The following PPP1R2 variants were observed in gnomAD, a reference collection of about 807,000 sequenced individuals.
The protein encoded by PPP1R2 is protein phosphatase 1 regulatory inhibitor subunit 2, also known as protein phosphatase inhibitor 2.
Under a neutral mutation model 29.9 loss-of-function variants are expected in PPP1R2, and 16 were observed. The observed-to-expected ratio is 0.53, with a 90% CI of 0.36 to 0.81. PPP1R2 has a LOEUF of 0.81. Ranked by LOEUF, PPP1R2 falls within the 30% of genes least tolerant of loss-of-function variation. The pLI is 0.00. For missense variants in PPP1R2, 197 were observed against 252.7 expected, an observed-to-expected ratio of 0.78 and a Z score of 1.49; for synonymous variants, 76 against 91.5, an observed-to-expected ratio of 0.83 and a Z score of 0.96.
At chr3:195,532,514 C>T (rs1461917398) in intron 1 of PPP1R2, among the ~76,000 whole-genome samples, 1 of 152,066 alleles carries the variant, frequency 6.6e-6, no homozygotes, top group East Asian at 1.9e-4. Flanking sequence ...TAGGCTTCTG[C>T]CTGTCACATA....
chr3:195,518,974 T>C (rs17847363), intron 5 of PPP1R2, 44 bp downstream of exon 5: 1,260,264 of 1,604,554 alleles, frequency 0.79, 497,478 homozygotes, highest in East Asian at 0.99. Context: ...ATCTTAGGCA[T>C]AGACCATTAC....
Position 195,516,838 on chromosome 3 carries a change from G to A in PPP1R2, c.*58C>T, listed in dbSNP as rs527367382. 22 of 1,454,904 alleles carry A rather than the reference G, an allele frequency of 1.5e-5. No individual in the cohort carries two copies. Among genetic ancestry groups the A allele is most frequent in the South Asian group, 1.3e-4 (11 of 87,366 alleles). 90.1% of individuals were successfully genotyped at this position (1,454,904 alleles called of 1,614,324 possible). ...TGAATTGTGAAGAACAAGAAGCAAC[G>A]TACTATAGTCACAGGGTTTACATCT... is the stretch of plus-strand genomic sequence containing the variant. On this transcript the variant is annotated 3_prime_UTR_variant, in exon 6 of 6. Coordinates refer to ENST00000618156, the MANE Select transcript of PPP1R2 (RefSeq NM_006241.8).
At chr3:195,520,253 G>A (rs541575249) in intron 4 of PPP1R2, among the ~76,000 whole-genome samples, 21 of 152,182 alleles carry the variant, frequency 1.4e-4, no homozygotes, top group East Asian at 5.8e-4. Context: ...CAGGTGATCC[G>A]CCTGCCTTGG....
intron 1 of PPP1R2, among the ~76,000 whole-genome samples, chr3:195,530,676 C>A (rs1487294105): frequency 2.0e-5 from 3 of 152,116 alleles, no homozygotes; most frequent in African/African-American, 4.8e-5. Context: ...CAGGCGCGCA[C>A]CACCACGCCC....
At chr3:195,536,741 T>C (rs1719400575) in intron 1 of PPP1R2, among the ~76,000 whole-genome samples, 1 of 146,530 alleles carries the variant, frequency 6.8e-6, no homozygotes, top group Admixed American at 6.9e-5. Flanking sequence ...TGAGCTGAGA[T>C]TGCACCATTG....
chr3:195,526,189 G>A (rs1450666703), intron 2 of PPP1R2, among the ~76,000 whole-genome samples: 3 of 150,436 alleles, frequency 2.0e-5, no homozygotes, highest in East Asian at 2.0e-4. Flanking sequence ...TCAATTTCCC[G>A]GGCTCAAGTG....
chr3:195,530,098 A>G (rs1161055265), intron 1 of PPP1R2, among the ~76,000 whole-genome samples, 197 bp from the exon 2 acceptor site: 1 of 152,246 alleles, frequency 6.6e-6, no homozygotes, highest in Non-Finnish European at 1.5e-5. Context: ...CAGTAAATAT[A>G]GAACACCTAG....
chr3:195,518,895 G>T (rs1414063915), intron 5 of PPP1R2, 123 bp downstream of exon 5: 1 of 1,409,636 alleles, frequency 7.1e-7, no homozygotes, highest in Non-Finnish European at 9.6e-7. Context: ...AGAAACATTT[G>T]GTATAATAAA....
intron 2 of PPP1R2, chr3:195,528,700 C>CTTTTTTTTTTTTTTTTTTTTT (rs767313014): frequency 1.3e-5 from 1 of 76,646 alleles, no homozygotes. Flanking sequence ...TAGGGCATAA[C>CTTTTTTTTTTTTTTTTTTTTT]TATTTTTTTT....
intron 1 of PPP1R2, among the ~76,000 whole-genome samples, chr3:195,539,067 G>A (rs1719495191): frequency 6.6e-6 from 1 of 152,122 alleles, no homozygotes; most frequent in African/African-American, 2.4e-5. Context: ...CTCTGAAAAA[G>A]AACATGTCTT....
At chr3:195,533,347 G>GAA (rs199627497) in intron 1 of PPP1R2, among the ~76,000 whole-genome samples, 5 of 118,522 alleles carry the variant, frequency 4.2e-5, no homozygotes, top group Non-Finnish European at 7.4e-5. Flanking sequence ...TCTGCCTCAG[G>GAA]AAAAAAAAAA....
intron 2 of PPP1R2, chr3:195,527,880 T>C: frequency 2.6e-6 from 1 of 379,016 alleles, no homozygotes; most frequent in Non-Finnish European, 5.0e-6. Context: ...TTTTTTTTTT[T>C]TTAAGATTTT....
At chr3:195,527,500 C>T (rs145594119) in intron 2 of PPP1R2, among the ~76,000 whole-genome samples, 96 of 151,768 alleles carry the variant, frequency 6.3e-4, no homozygotes, top group South Asian at 4.0e-3. Flanking sequence ...GGAGGCTAAG[C>T]GATCCTCCTG....
At chr3:195,521,314 C>CAAAAA (rs869228346) in intron 4 of PPP1R2, among the ~76,000 whole-genome samples, 45 of 56,608 alleles carry the variant, frequency 7.9e-4, no homozygotes, top group African/African-American at 1.2e-3. Flanking sequence ...GACTCTGTCT[C>CAAAAA]AAAAAAAAAA....
intron 1 of PPP1R2, among the ~76,000 whole-genome samples, chr3:195,536,997 A>G (rs560246988): frequency 1.3e-5 from 2 of 152,144 alleles, no homozygotes; most frequent in African/African-American, 2.4e-5. Context: ...CTTGAAATTA[A>G]AAATAAAATT....
At position 195,514,950 on chromosome 3, in the gene PPP1R2, C is replaced by T. The variant is rs1718489846; in HGVS notation, c.*1946G>A. The T allele has an allele frequency of 6.1e-6, 1 of 162,668 alleles. No homozygotes were observed. The highest frequency in any genetic ancestry group is 1.4e-5 in the Non-Finnish European group (1 of 70,876). The allele number at this position is 162,668 out of a possible 1,614,324, so 10.1% of individuals were successfully genotyped here. A position where few individuals can be genotyped will look rare whatever the true frequency, so the allele number is the denominator to read the frequency against. On this transcript the variant is annotated 3_prime_UTR_variant, in exon 6 of 6. Coordinates refer to ENST00000618156, the MANE Select transcript of PPP1R2 (RefSeq NM_006241.8). ...TTCAAAAAATAGTTTGTAGAAAACACAAAAAGAATCAACTGTTTAAAGTCT... is the reference window on the plus strand; with the variant it reads ...TTCAAAAAATAGTTTGTAGAAAACATAAAAAGAATCAACTGTTTAAAGTCT...
chr3:195,535,668 A>G (rs1287667782), intron 1 of PPP1R2, among the ~76,000 whole-genome samples: 1 of 152,208 alleles, frequency 6.6e-6, no homozygotes, highest in Non-Finnish European at 1.5e-5. Context: ...ATACGGAAGA[A>G]TATGTAGAAG....
intron 1 of PPP1R2, among the ~76,000 whole-genome samples, chr3:195,542,307 G>T (rs1719626617): frequency 6.6e-6 from 1 of 151,774 alleles, no homozygotes; most frequent in South Asian, 2.1e-4. Flanking sequence ...TGTATCTTTA[G>T]CGTATGCAAG....
intron 2 of PPP1R2, among the ~76,000 whole-genome samples, chr3:195,525,380 G>A (rs1377729443): frequency 1.3e-5 from 2 of 152,112 alleles, no homozygotes; most frequent in Non-Finnish European, 2.9e-5. Flanking sequence ...TTTTATATCA[G>A]AGACTTGAGT....
Sources: gnomAD v4.1 joint callset for allele counts (sites outside exome capture counted in the v4.1 genomes callset) on GRCh38, gnomAD v4.1.1 for gene constraint, MANE v1.5 for transcripts, NCBI Gene and HGNC (gene_info 2026-07-23, HGNC 2026-07-21) for gene names.